CENPF: variants seen among roughly 807,000 people sequenced by gnomAD.
CENPF encodes the protein centromere protein F.
In CENPF, 214 loss-of-function variants were observed where a neutral mutation model predicts 307.3. The observed-to-expected ratio is 0.70, with a 90% CI of 0.62 to 0.78. CENPF has a LOEUF of 0.78. CENPF is among the 30% of genes least tolerant of loss of function. The probability of loss-of-function intolerance (pLI) is 0.00; values close to 1 mark genes in which losing one functional copy is unlikely to be tolerated. For missense variants in CENPF, 3,401 were observed against 3,483.9 expected (o/e 0.98, Z 0.60); for synonymous variants, 1,259 against 1,270.6 (o/e 0.99, Z 0.19).
At chr1:214,606,297 GCGC>G (rs1404804019) in intron 1 of CENPF, among the ~76,000 whole-genome samples, 15 of 127,980 alleles carry the variant, frequency 1.2e-4, no homozygotes, top group African/African-American at 4.1e-4. Context: ...CCGTTCCCTG[GCGC>G]TGCCGTTCCC....
intron 18 of CENPF, 101 bp from the exon 19 acceptor site, chr1:214,658,749 G>T: frequency 8.6e-7 from 1 of 1,165,792 alleles, no homozygotes. Flanking sequence ...AGTATTTTTT[G>T]GAGTTTGCAT....
rs1261752540 is a variant in CENPF, at chr1:214,605,680, C to T, written c.-42+2359C>T. ...CTGGCCGGTTGGTGCCGCCGCTAGGCGAGCTGGCTGGCAGCTCCTGGGAGA... is the reference window on the plus strand; with the variant it reads ...CTGGCCGGTTGGTGCCGCCGCTAGGTGAGCTGGCTGGCAGCTCCTGGGAGA... On this transcript the variant is annotated intron_variant, in intron 1 of 19. Transcript: ENST00000366955. 17 of 1,585,448 alleles carry T rather than the reference C, an allele frequency of 1.1e-5. No individual in the cohort carries two copies. The East Asian group carries it at 2.7e-4, about 25-fold the overall frequency.
chr1:214,647,482 A>G (rs1658346573), intron 13 of CENPF, 82 bp downstream of exon 13: 4 of 1,426,694 alleles, frequency 2.8e-6, no homozygotes, highest in South Asian at 1.5e-5. Flanking sequence ...TGTGAATTGT[A>G]TTTACTTCTA....
intron 3 of CENPF, among the ~76,000 whole-genome samples, chr1:214,616,874 TTTCTTTCTTTCTTTC>T (rs1657361926): frequency 8.8e-5 from 9 of 101,870 alleles, no homozygotes; most frequent in Admixed American, 2.1e-4. Context: ...TCTTTCTTTC[TTTCTTTCTTTCTTTC>T]TTTCTTTCTT....
rs1207413289 is a variant in CENPF, at chr1:214,640,694, GC to G, written c.2357del (p.Ala786ValfsTer15). 8 of 1,614,020 alleles carry G rather than the reference GC, an allele frequency of 5.0e-6. No homozygotes were observed. Among genetic ancestry groups the G allele is most frequent in the Non-Finnish European group, 6.8e-6 (8 of 1,179,980 alleles). The part of the protein sequence containing the change: ...TNEDHQRSLL[A>X]FDQQPAMHHS... Reference sequence around the variant, plus strand: ...TGAAGATCATCAGAGAAGTCTTTTGGCTTTTGATCAGCAGCCTGCCATGCAT... The same window carrying G: ...TGAAGATCATCAGAGAAGTCTTTTGGTTTTGATCAGCAGCCTGCCATGCAT... On this transcript the variant is annotated frameshift_variant, in exon 12 of 20. Coordinates refer to ENST00000366955, the MANE Select transcript of CENPF (RefSeq NM_016343.4). LOFTEE classifies it high-confidence loss of function.
chr1:214,642,051 TACAG>T lies in CENPF; in HGVS notation c.3717_3720del (p.Thr1240LeufsTer26), dbSNP rs1249244826. 6.2e-7 allele frequency: 1 copy of T among 1,610,312 alleles called. No individual in the cohort carries two copies. Among genetic ancestry groups the T allele is most frequent in the South Asian group, 1.1e-5 (1 of 90,100 alleles). ...GAGAAGGAGTGCCTGCAGCATGAAT[TACAG>T]ACAATTAGAGGAGATCTTGAAACCA... On this transcript the variant is annotated frameshift_variant, in exon 12 of 20. Transcript: ENST00000366955. LOFTEE classifies it high-confidence loss of function.
Position 214,630,609 on chromosome 1 carries a change from G to C in CENPF, c.1270G>C (p.Glu424Gln). The C allele has an allele frequency of 6.2e-7, 1 of 1,614,114 alleles. No homozygotes were observed. Among genetic ancestry groups the C allele is most frequent in the Non-Finnish European group, 8.5e-7 (1 of 1,180,010 alleles). ...CCAGATGAAGGCCAGACTCACCCAG[G>C]AGTTACAGCAAGCCAAGAATATGCA... ...CIQMKARLTQ[E>Q]LQQAKNMHNV... is the part of the protein sequence containing the mutation. The change falls in exon 9 of 20, where the codon GAG becomes CAG. Residue 424 changes from glutamate (E) to glutamine (Q), a missense_variant. Coordinates refer to ENST00000366955, the MANE Select transcript of CENPF (RefSeq NM_016343.4).
intron 9 of CENPF, among the ~76,000 whole-genome samples, chr1:214,631,481 T>C (rs993079193): frequency 6.6e-6 from 1 of 152,086 alleles, no homozygotes; most frequent in Non-Finnish European, 1.5e-5. Context: ...TATTTGTGTG[T>C]TTTGTTTGTT....
intron 3 of CENPF, 142 bp downstream of exon 3, chr1:214,615,170 G>T (rs1417740813): frequency 1.9e-6 from 1 of 513,260 alleles, no homozygotes; most frequent in Admixed American, 3.9e-5. Context: ...TCTCTGTACC[G>T]TAACTTGAAA....
At chr1:214,648,317 G>C (rs1658367878) in intron 13 of CENPF, among the ~76,000 whole-genome samples, 1 of 152,114 alleles carries the variant, frequency 6.6e-6, no homozygotes, top group African/African-American at 2.4e-5. Flanking sequence ...GGCACTGGGG[G>C]ATTAGTAGAG....
chr1:214,643,406 AC>A (rs1658192091), intron 12 of CENPF, 82 bp downstream of exon 12: 2 of 1,183,476 alleles, frequency 1.7e-6, no homozygotes, highest in Admixed American at 5.9e-5. Flanking sequence ...ATTGAAATGT[AC>A]ATTAAACCTA....
intron 1 of CENPF, chr1:214,608,701 C>A: frequency 3.1e-6 from 5 of 1,594,430 alleles, no homozygotes; most frequent in Non-Finnish European, 4.3e-6. Context: ...GGCCCCGGCC[C>A]CACCAGGCCC....
At chr1:214,661,904 T>G (rs1258385518) in intron 19 of CENPF, among the ~76,000 whole-genome samples, 1 of 152,018 alleles carries the variant, frequency 6.6e-6, no homozygotes, top group Non-Finnish European at 1.5e-5. Flanking sequence ...TGTGTTATTC[T>G]AGGAGGATGT....
chr1:214,608,362 C>T lies in CENPF; in HGVS notation c.-42+5041C>T. 6 of 1,612,332 alleles carry T rather than the reference C, an allele frequency of 3.7e-6. No homozygotes were observed. The South Asian group carries it at 6.6e-5, about 18-fold the overall frequency. On this transcript the variant is annotated intron_variant, in intron 1 of 19. Transcript: ENST00000366955. Reference sequence around the variant, plus strand: ...GGCGTCGATGTCGGCATAGAGGTTCCTCTCGGAAGGCCTACCCGAGCTGGC... The same window carrying T: ...GGCGTCGATGTCGGCATAGAGGTTCTTCTCGGAAGGCCTACCCGAGCTGGC...
rs556301064 is a variant in CENPF, at chr1:214,618,511, A to G, written c.360-62A>G. The G allele has an allele frequency of 2.2e-4, 353 of 1,572,566 alleles. No individual in the cohort carries two copies. In the African/African-American group the frequency reaches 4.1e-3, roughly 18 times the overall value. On this transcript the variant is annotated intron_variant, in intron 3 of 19. Coordinates refer to ENST00000366955, the MANE Select transcript of CENPF (RefSeq NM_016343.4). ...TTATTACTCTCTGGGAATGTAAGGC[A>G]TTGATATTCTGTAGCCTTTGCTCTA...
chr1:214,609,640 A>ACAT (rs1657148146), intron 1 of CENPF, among the ~76,000 whole-genome samples: 1 of 152,198 alleles, frequency 6.6e-6, no homozygotes, highest in African/African-American at 2.4e-5. Context: ...TTTTACAGGT[A>ACAT]GACTCATGTC....
At chr1:214,651,035 G>A (rs1658447449) in intron 14 of CENPF, among the ~76,000 whole-genome samples, 1 of 152,212 alleles carries the variant, frequency 6.6e-6, no homozygotes, top group Non-Finnish European at 1.5e-5. Context: ...CCTTTAGTTT[G>A]CAGCATGGAG....
At chr1:214,613,578 A>G (rs1657255526) in intron 1 of CENPF, 136 bp from the exon 2 acceptor site, 1 of 523,180 alleles carries the variant, frequency 1.9e-6, no homozygotes, top group Admixed American at 3.9e-5. Flanking sequence ...TGGAGAAGAT[A>G]GGTATTATAC....
chr1:214,637,824 A>T lies in CENPF; in HGVS notation c.1447-42A>T, dbSNP rs200760521. 68 of 1,582,858 alleles carry T rather than the reference A, an allele frequency of 4.3e-5. No homozygotes were observed. The East Asian group carries it at 1.4e-3, about 33-fold the overall frequency. ...TAAGGCAGAAGTCATAACTTACTTG[A>T]GCATTCGTTTTGGCTATAACCAATT... is the stretch of plus-strand genomic sequence containing the variant. On this transcript the variant is annotated intron_variant, in intron 10 of 19. Coordinates refer to ENST00000366955, the MANE Select transcript of CENPF (RefSeq NM_016343.4).
Sources: allele counts gnomAD v4.1 joint callset (sites outside exome capture counted in the v4.1 genomes callset), GRCh38; gene constraint gnomAD v4.1.1; transcripts MANE v1.5; gene names NCBI Gene and HGNC (gene_info 2026-07-23, HGNC 2026-07-21).